Variants in GABBR2 observed in about 807,000 individuals in gnomAD.
The protein encoded by GABBR2 is G-protein coupled receptor 51.
A neutral mutation model predicts 105.6 loss-of-function variants in GABBR2; 23 were observed. The ratio of observed to expected loss-of-function variants is 0.22; its 90% CI spans 0.16 to 0.31. GABBR2 has a LOEUF of 0.31. GABBR2 is among the 10% of genes least tolerant of loss of function. The pLI, the probability that GABBR2 is intolerant of heterozygous loss-of-function variation, is 1.00. For missense variants in GABBR2, 734 were observed against 1,245.5 expected, an observed-to-expected ratio of 0.59 and a Z score of 6.18; for synonymous variants, 478 against 499.7, an observed-to-expected ratio of 0.96 and a Z score of 0.58.
intron 10 of GABBR2, among the ~76,000 whole-genome samples, chr9:98,386,845 A>G (rs1032976173): frequency 6.6e-6 from 1 of 152,136 alleles, no homozygotes; most frequent in Non-Finnish European, 1.5e-5. Flanking sequence ...TCCTCTGTGA[A>G]CTGCACCCCG....
At chr9:98,565,982 C>CAGCG (rs1186305179) in intron 2 of GABBR2, among the ~76,000 whole-genome samples, 1 of 152,194 alleles carries the variant, frequency 6.6e-6, no homozygotes, top group Non-Finnish European at 1.5e-5. Flanking sequence ...AGCACCTGCC[C>CAGCG]AGCGGCTCAG....
chr9:98,597,715 A>G (rs1829258587), intron 1 of GABBR2, among the ~76,000 whole-genome samples: 1 of 152,196 alleles, frequency 6.6e-6, no homozygotes, highest in Non-Finnish European at 1.5e-5. Context: ...AATTTCCAGC[A>G]ATGCACTCAG....
intron 11 of GABBR2, among the ~76,000 whole-genome samples, chr9:98,375,861 C>T (rs187606365): frequency 1.1e-3 from 175 of 152,264 alleles, no homozygotes; most frequent in Non-Finnish European, 2.0e-3. Context: ...GCCAAGTAAA[C>T]GAGAAGGTTT....
chr9:98,333,069 C>A (rs1831055133), intron 13 of GABBR2, among the ~76,000 whole-genome samples: 1 of 152,028 alleles, frequency 6.6e-6, no homozygotes, highest in Non-Finnish European at 1.5e-5. Flanking sequence ...GAGTCAGACA[C>A]AAGAAGATGG....
chr9:98,689,223 G>T (rs337533), intron 1 of GABBR2, among the ~76,000 whole-genome samples: 106,875 of 152,098 alleles, frequency 0.7, 38,825 homozygotes, highest in Middle Eastern at 0.84. Context: ...ACAAGACAGT[G>T]GTGTATAACG....
At position 98,290,507 on chromosome 9, in the gene GABBR2, A is replaced by G; in HGVS notation, c.*77T>C. On this transcript the variant is annotated 3_prime_UTR_variant, in exon 19 of 19. Transcript: ENST00000259455. ...CCCAGCTTCTCCGCAGCCAGAGCCG[A>G]CAGTGTTTCTGCAGCAGACCCCTCT... 9.4e-7 allele frequency: 1 copy of G among 1,062,188 alleles called. No individual in the cohort carries two copies. 65.8% of individuals were successfully genotyped at this position (1,062,188 alleles called of 1,614,324 possible). A position where few individuals can be genotyped will look rare whatever the true frequency, so the allele number is the denominator to read the frequency against.
chr9:98,536,786 G>A (rs1049060944), intron 3 of GABBR2, among the ~76,000 whole-genome samples: 1 of 152,054 alleles, frequency 6.6e-6, no homozygotes, highest in African/African-American at 2.4e-5. Context: ...TTACCTGCCT[G>A]CCTATCCCTC....
intron 18 of GABBR2, among the ~76,000 whole-genome samples, chr9:98,291,388 T>C (rs141189348): frequency 3.9e-5 from 6 of 152,340 alleles, no homozygotes; most frequent in African/African-American, 1.4e-4. Context: ...GCAAACCAGA[T>C]AGTTCGCATT....
chr9:98,469,415 T>C (rs1186608842), intron 6 of GABBR2, among the ~76,000 whole-genome samples: 3 of 152,042 alleles, frequency 2.0e-5, no homozygotes, highest in Non-Finnish European at 4.4e-5. Flanking sequence ...CCCTGACACA[T>C]AGGTAATCCA....
At chr9:98,500,119 T>C (rs1827370682) in intron 3 of GABBR2, among the ~76,000 whole-genome samples, 1 of 152,250 alleles carries the variant, frequency 6.6e-6, no homozygotes, top group Non-Finnish European at 1.5e-5. Flanking sequence ...TGCCATTAAC[T>C]ACATTTCTGC....
At chr9:98,485,914 G>C (rs1484791440) in intron 4 of GABBR2, among the ~76,000 whole-genome samples, 1 of 152,082 alleles carries the variant, frequency 6.6e-6, no homozygotes, top group Non-Finnish European at 1.5e-5. Context: ...ACCCCACAGA[G>C]AGCAACCAAC....
At chr9:98,652,111 TATGGTC>T (rs1399070384) in intron 1 of GABBR2, among the ~76,000 whole-genome samples, 2 of 152,056 alleles carry the variant, frequency 1.3e-5, no homozygotes, top group African/African-American at 4.8e-5. Flanking sequence ...CATAATAAAA[TATGGTC>T]AAACAGTTTA....
At chr9:98,489,856 G>A (rs973623930) in intron 4 of GABBR2, among the ~76,000 whole-genome samples, 5 of 152,336 alleles carry the variant, frequency 3.3e-5, no homozygotes, top group East Asian at 1.9e-4. Context: ...ACTTTGGGAG[G>A]TCAAGGCGGA....
chr9:98,365,147 T>C (rs1308432407), intron 12 of GABBR2, among the ~76,000 whole-genome samples: 1 of 152,258 alleles, frequency 6.6e-6, no homozygotes, highest in Non-Finnish European at 1.5e-5. Context: ...ATCCCAATTC[T>C]TGTCAAGCGT....
chr9:98,520,962 A>G (rs1479244040), intron 3 of GABBR2, among the ~76,000 whole-genome samples: 1 of 152,352 alleles, frequency 6.6e-6, no homozygotes. Context: ...AAGAAAGCCA[A>G]TATAAATGAG....
intron 16 of GABBR2, among the ~76,000 whole-genome samples, chr9:98,300,903 A>C (rs1830458502): frequency 6.6e-6 from 1 of 152,220 alleles, no homozygotes; most frequent in Non-Finnish European, 1.5e-5. Flanking sequence ...ATTTCTACAC[A>C]GTTGTCAGTC....
intron 3 of GABBR2, among the ~76,000 whole-genome samples, chr9:98,516,759 C>T (rs1034563877): frequency 3.3e-5 from 5 of 152,128 alleles, no homozygotes; most frequent in Non-Finnish European, 7.3e-5. Flanking sequence ...TGCCTGGTAG[C>T]GCTAAACAGA....
intron 13 of GABBR2, among the ~76,000 whole-genome samples, chr9:98,358,344 T>C (rs1831524525): frequency 6.6e-6 from 1 of 152,248 alleles, no homozygotes; most frequent in South Asian, 2.1e-4. Context: ...GTTTGCTGCC[T>C]GTGTCCTCTC....
intron 1 of GABBR2, among the ~76,000 whole-genome samples, chr9:98,651,264 C>T (rs923604435): frequency 2.0e-5 from 3 of 151,766 alleles, no homozygotes; most frequent in African/African-American, 7.3e-5. Context: ...CTGTCTCAGC[C>T]TCTTGAGTAG....
Sources: gnomAD v4.1 joint callset for allele counts (sites outside exome capture counted in the v4.1 genomes callset) on GRCh38, gnomAD v4.1.1 for gene constraint, MANE v1.5 for transcripts, NCBI Gene and HGNC (gene_info 2026-07-23, HGNC 2026-07-21) for gene names.